The following CCDC6 variants were observed in gnomAD, a reference collection of about 807,000 sequenced individuals.
The protein encoded by CCDC6 is coiled-coil domain containing 6, also known as coiled-coil domain-containing protein 6.
Under a neutral mutation model 56.6 loss-of-function variants are expected in CCDC6, and 20 were observed. The observed-to-expected ratio is 0.35, with a 90% CI of 0.25 to 0.51. The LOEUF (loss-of-function observed/expected upper bound fraction) is 0.51, where lower values mean the gene tolerates loss of function less well. Ranked by LOEUF, CCDC6 falls within the 20% of genes least tolerant of loss-of-function variation. The pLI, the probability that CCDC6 is intolerant of heterozygous loss-of-function variation, is 0.95. For synonymous variants in CCDC6, 241 were observed against 234.4 expected, an observed-to-expected ratio of 1.03 and a Z score of -0.26; for missense variants, 367 against 601.1, an observed-to-expected ratio of 0.61 and a Z score of 4.07.
chr10:59,822,236 C>T (rs571093869), intron 3 of CCDC6, among the ~76,000 whole-genome samples: 1 of 152,180 alleles, frequency 6.6e-6, no homozygotes, highest in East Asian at 1.9e-4. Context: ...CATTAATATG[C>T]CATTATTAAC....
chr10:59,900,830 G>A (rs1445199516), intron 1 of CCDC6, among the ~76,000 whole-genome samples: 1 of 152,156 alleles, frequency 6.6e-6, no homozygotes, highest in Non-Finnish European at 1.5e-5. Context: ...AGGCAGAGGT[G>A]GGTGGATCAC....
At chr10:59,885,328 T>A (rs967071394) in intron 1 of CCDC6, among the ~76,000 whole-genome samples, 5 of 152,086 alleles carry the variant, frequency 3.3e-5, no homozygotes, top group African/African-American at 4.8e-5. Flanking sequence ...CAAAAACACA[T>A]CCTAATGAAA....
chr10:59,857,102 T>C (rs571315221), intron 1 of CCDC6, among the ~76,000 whole-genome samples: 3 of 152,338 alleles, frequency 2.0e-5, no homozygotes, highest in Admixed American at 6.5e-5. Context: ...TGTCTGTTAA[T>C]GTGAGGACTA....
At chr10:59,877,298 A>G (rs774018751) in intron 1 of CCDC6, among the ~76,000 whole-genome samples, 5 of 152,218 alleles carry the variant, frequency 3.3e-5, no homozygotes, top group African/African-American at 4.8e-5. Flanking sequence ...GTAAAGTTTG[A>G]AACAAGAGTA....
chr10:59,836,046 C>T (rs1220671002), intron 2 of CCDC6, among the ~76,000 whole-genome samples: 1 of 131,414 alleles, frequency 7.6e-6, no homozygotes, highest in African/African-American at 3.2e-5. Flanking sequence ...AGACTGCGAC[C>T]CTGTCTAAAA....
In CCDC6 at chr10:59,872,980, C is replaced by T. The variant is rs550593262; in HGVS notation, c.304-20278G>A. Among the ~76,000 whole-genome samples the T allele has an allele frequency of 3.9e-5, 6 of 152,292 alleles. No individual in the cohort carries two copies. The East Asian group carries it at 1.2e-3, about 29-fold the overall frequency. ...CATTTGGCAAGCAACCAAACAACTG[C>T]GTTCACTTGGTGGCAAGCCTGATCT... On this transcript the variant is annotated intron_variant, in intron 1 of 8. Coordinates refer to ENST00000263102, the MANE Select transcript of CCDC6 (RefSeq NM_005436.5).
chr10:59,800,704 T>C (rs976933785), intron 7 of CCDC6, among the ~76,000 whole-genome samples: 20 of 152,044 alleles, frequency 1.3e-4, no homozygotes, highest in African/African-American at 4.1e-4. Flanking sequence ...ATTTTTTTTT[T>C]CCTTAAGTTC....
chr10:59,874,439 T>C (rs938793873), intron 1 of CCDC6, among the ~76,000 whole-genome samples: 1 of 152,168 alleles, frequency 6.6e-6, no homozygotes, highest in Non-Finnish European at 1.5e-5. Flanking sequence ...GAGATCAATA[T>C]ACAAAGATAT....
chr10:59,799,506 T>C (rs2070554978), intron 7 of CCDC6, among the ~76,000 whole-genome samples: 1 of 152,218 alleles, frequency 6.6e-6, no homozygotes. Flanking sequence ...TGCAGGTCAG[T>C]GGTTCTCAAC....
At chr10:59,830,717 A>G (rs1367202948) in intron 3 of CCDC6, among the ~76,000 whole-genome samples, 1 of 152,230 alleles carries the variant, frequency 6.6e-6, no homozygotes. Context: ...CAGCTACTAA[A>G]GTCTGCAAAG....
intron 1 of CCDC6, among the ~76,000 whole-genome samples, chr10:59,899,685 C>A (rs1451432560): frequency 1.3e-5 from 2 of 152,228 alleles, no homozygotes; most frequent in Non-Finnish European, 2.9e-5. Flanking sequence ...TGATCTGCCA[C>A]CATCACCAAA....
chr10:59,824,834 C>T (rs1045361433), intron 3 of CCDC6, among the ~76,000 whole-genome samples: 1 of 151,938 alleles, frequency 6.6e-6, no homozygotes, highest in Non-Finnish European at 1.5e-5. Context: ...ACAATGCAAA[C>T]GTTTGATTTG....
intron 1 of CCDC6, among the ~76,000 whole-genome samples, chr10:59,865,298 C>T (rs889248339): frequency 6.6e-6 from 1 of 152,138 alleles, no homozygotes; most frequent in African/African-American, 2.4e-5. Context: ...TAATCAAGCA[C>T]CTCCTAACTT....
At chr10:59,810,083 A>G (rs139612536) in intron 5 of CCDC6, among the ~76,000 whole-genome samples, 225 of 152,326 alleles carry the variant, frequency 1.5e-3, no homozygotes, top group African/African-American at 5.2e-3. Context: ...GTCTATTAAA[A>G]GCTGGCCAGG....
intron 7 of CCDC6, among the ~76,000 whole-genome samples, chr10:59,803,408 C>T (rs1055338829): frequency 1.3e-5 from 2 of 152,130 alleles, no homozygotes; most frequent in African/African-American, 2.4e-5. Flanking sequence ...CTTTATGCTG[C>T]CTTCCTTCAA....
intron 1 of CCDC6, among the ~76,000 whole-genome samples, chr10:59,868,647 C>T (rs958544744): frequency 2.0e-5 from 3 of 152,170 alleles, no homozygotes; most frequent in South Asian, 2.1e-4. Flanking sequence ...GCTTTCCTCC[C>T]CTTCTCTTTC....
intron 1 of CCDC6, among the ~76,000 whole-genome samples, chr10:59,870,182 C>T (rs1165535802): frequency 6.6e-6 from 1 of 152,212 alleles, no homozygotes; most frequent in African/African-American, 2.4e-5. Context: ...TTGTGCCTGG[C>T]ATATGGCAAG....
At chr10:59,834,604 G>A (rs994672875) in intron 2 of CCDC6, among the ~76,000 whole-genome samples, 3 of 151,732 alleles carry the variant, frequency 2.0e-5, no homozygotes, top group South Asian at 2.1e-4. Context: ...TTAATCTGAC[G>A]TAGTCTTCCA....
intron 1 of CCDC6, among the ~76,000 whole-genome samples, chr10:59,890,895 C>T (rs745323151): frequency 2.6e-5 from 4 of 152,024 alleles, no homozygotes; most frequent in Non-Finnish European, 5.9e-5. Context: ...CCCAACCCCA[C>T]GACAGGCCCC....
Sources: allele counts gnomAD v4.1 joint callset (sites outside exome capture counted in the v4.1 genomes callset), GRCh38; gene constraint gnomAD v4.1.1; transcripts MANE v1.5; gene names NCBI Gene and HGNC (gene_info 2026-07-23, HGNC 2026-07-21).